The following CA10 variants were observed in gnomAD, a reference collection of about 807,000 sequenced individuals.
The protein encoded by CA10 is carbonic anhydrase 10 (inactive).
In CA10, 14 loss-of-function variants were observed where a neutral mutation model predicts 44.2. The ratio of observed to expected loss-of-function variants is 0.32; its 90% CI spans 0.21 to 0.50. The LOEUF is 0.50. CA10 is among the 20% of genes least tolerant of loss of function. The probability of loss-of-function intolerance (pLI) is 0.99; values close to 1 mark genes in which losing one functional copy is unlikely to be tolerated. For missense variants in CA10, 350 were observed against 409.7 expected, an observed-to-expected ratio of 0.85 and a Z score of 1.26; for synonymous variants, 159 against 141.6, an observed-to-expected ratio of 1.12 and a Z score of -0.87.
At chr17:51,875,471 T>A (rs1980028199) in intron 3 of CA10, among the ~76,000 whole-genome samples, 2 of 152,152 alleles carry the variant, frequency 1.3e-5, no homozygotes, top group Admixed American at 1.3e-4. Context: ...TCATTTAAGC[T>A]CTGTTTACAG....
chr17:51,652,343 C>T (rs1913605986), intron 5 of CA10, among the ~76,000 whole-genome samples: 2 of 152,250 alleles, frequency 1.3e-5, no homozygotes, highest in East Asian at 1.9e-4. Context: ...TTTATTATTC[C>T]AGGGTTTGTG....
chr17:52,091,217 GA>G (rs1988256557), intron 1 of CA10, among the ~76,000 whole-genome samples: 1 of 152,120 alleles, frequency 6.6e-6, no homozygotes, highest in Non-Finnish European at 1.5e-5. Context: ...CAAGTGTTAT[GA>G]TGATGAAGTG....
intron 3 of CA10, among the ~76,000 whole-genome samples, chr17:51,914,594 T>C (rs1179458408): frequency 6.6e-6 from 1 of 152,160 alleles, no homozygotes; most frequent in African/African-American, 2.4e-5. Context: ...ATTAATAGGC[T>C]GAAATATGGT....
chr17:51,980,157 A>C (rs1222937541), intron 2 of CA10, among the ~76,000 whole-genome samples: 1 of 152,158 alleles, frequency 6.6e-6, no homozygotes, highest in Non-Finnish European at 1.5e-5. Context: ...ACAGTGTATA[A>C]GTGTTTCCTT....
chr17:51,636,086 A>G, intron 6 of CA10, 77 bp from the exon 7 acceptor site: 3 of 657,740 alleles, frequency 4.6e-6, no homozygotes, highest in Non-Finnish European at 7.5e-6. Flanking sequence ...ACATACATAC[A>G]TACATATACA....
intron 2 of CA10, among the ~76,000 whole-genome samples, chr17:52,049,970 T>A (rs1189234093): frequency 6.6e-6 from 1 of 152,116 alleles, no homozygotes; most frequent in Non-Finnish European, 1.5e-5. Context: ...CGATATATTG[T>A]GTAGGTTTGT....
intron 3 of CA10, among the ~76,000 whole-genome samples, chr17:51,756,105 C>A (rs1905068869): frequency 6.6e-6 from 1 of 151,512 alleles, no homozygotes; most frequent in Non-Finnish European, 1.5e-5. Flanking sequence ...CTTGAATCAA[C>A]AGATTTTCTT....
At chr17:51,796,404 C>CA (rs1394752325) in intron 3 of CA10, among the ~76,000 whole-genome samples, 2 of 152,178 alleles carry the variant, frequency 1.3e-5, no homozygotes, top group African/African-American at 4.8e-5. Context: ...CCAGGGATTG[C>CA]AAGTTCAAGT....
At chr17:51,646,963 C>A (rs890769670) in intron 6 of CA10, among the ~76,000 whole-genome samples, 8 of 152,096 alleles carry the variant, frequency 5.3e-5, no homozygotes, top group African/African-American at 1.9e-4. Context: ...GGGCCTAAAT[C>A]AGCTATCTTT....
intron 2 of CA10, among the ~76,000 whole-genome samples, chr17:52,064,168 C>A (rs1987469441): frequency 6.6e-6 from 1 of 152,142 alleles, no homozygotes; most frequent in African/African-American, 2.4e-5. Context: ...CCATAGGAGA[C>A]AAGGGTCTCA....
intron 3 of CA10, among the ~76,000 whole-genome samples, chr17:51,785,792 T>C (rs1252576439): frequency 6.6e-6 from 1 of 152,228 alleles, no homozygotes; most frequent in Non-Finnish European, 1.5e-5. Context: ...ATTTTGGGTC[T>C]TTTATGGTTC....
chr17:52,007,387 C>G (rs1392494643), intron 2 of CA10, among the ~76,000 whole-genome samples: 2 of 151,490 alleles, frequency 1.3e-5, no homozygotes, highest in Admixed American at 1.3e-4. Flanking sequence ...GGTGGATACT[C>G]TTCAATAGAT....
At chr17:52,124,287 G>T (rs1989072839) in intron 1 of CA10, among the ~76,000 whole-genome samples, 1 of 152,092 alleles carries the variant, frequency 6.6e-6, no homozygotes, top group South Asian at 2.1e-4. Flanking sequence ...TATGAAGAAG[G>T]CAATGCAAAA....
chr17:52,007,989 A>G (rs1985658907), intron 2 of CA10, among the ~76,000 whole-genome samples: 1 of 151,684 alleles, frequency 6.6e-6, no homozygotes, highest in African/African-American at 2.4e-5. Flanking sequence ...AAAATGACTG[A>G]TCAAAATAGT....
chr17:51,888,271 CAAAT>C (rs1980703211), intron 3 of CA10, among the ~76,000 whole-genome samples: 1 of 152,020 alleles, frequency 6.6e-6, no homozygotes, highest in Non-Finnish European at 1.5e-5. Flanking sequence ...AAAAGATACA[CAAAT>C]AGAAGAAAAT....
chr17:52,101,178 T>C (rs1422623416), intron 1 of CA10, among the ~76,000 whole-genome samples: 1 of 152,188 alleles, frequency 6.6e-6, no homozygotes, highest in Non-Finnish European at 1.5e-5. Flanking sequence ...AAGTGAGAGC[T>C]AAGTCCCCTT....
At chr17:52,087,134 G>A (rs1332564947) in intron 1 of CA10, among the ~76,000 whole-genome samples, 1 of 152,058 alleles carries the variant, frequency 6.6e-6, no homozygotes, top group African/African-American at 2.4e-5. Flanking sequence ...ACCTTTTCTT[G>A]TAATTAATTA....
intron 3 of CA10, among the ~76,000 whole-genome samples, chr17:51,886,878 A>T (rs573242362): frequency 1.2e-4 from 19 of 152,100 alleles, no homozygotes; most frequent in Non-Finnish European, 2.1e-4. Context: ...TGGGCCTTCA[A>T]ACTAGAACCT....
chr17:51,906,308 C>T (rs1598110730), intron 3 of CA10, among the ~76,000 whole-genome samples: 1 of 152,100 alleles, frequency 6.6e-6, no homozygotes, highest in East Asian at 1.9e-4. Flanking sequence ...TGAAACTGCT[C>T]CCATCAATGA....
Sources: allele counts gnomAD v4.1 joint callset (sites outside exome capture counted in the v4.1 genomes callset), GRCh38; gene constraint gnomAD v4.1.1; transcripts MANE v1.5; gene names NCBI Gene and HGNC (gene_info 2026-07-23, HGNC 2026-07-21).